CLCN2: variants seen among roughly 807,000 people sequenced by gnomAD.
CLCN2 encodes chloride voltage-gated channel 2.
Under a neutral mutation model 108.3 loss-of-function variants are expected in CLCN2, and 72 were observed. That is an observed-to-expected ratio of 0.66 (90% CI 0.55 to 0.81). The LOEUF (loss-of-function observed/expected upper bound fraction) is 0.81, where lower values mean the gene tolerates loss of function less well. CLCN2 is among the 30% of genes least tolerant of loss of function. The pLI, the probability that CLCN2 is intolerant of heterozygous loss-of-function variation, is 0.00. For synonymous variants in CLCN2, 471 were observed against 467.1 expected (o/e 1.01, Z -0.11); for missense variants, 1,048 against 1,205.2 (o/e 0.87, Z 1.93).
Position 184,355,041 on chromosome 3 carries a change from CAGG to C in CLCN2, c.1327-71_1327-69del, listed in dbSNP as rs1370780996. On this transcript the variant is annotated intron_variant, in intron 12 of 23. Transcript: ENST00000265593. This position sits in a 1 kb window ranked among gnomAD's most constrained non-coding sequence, Gnocchi z 6.3. The stretch of plus-strand genomic sequence containing the variant: ...GCCCCAGGCAGCCCACAGCGCCACC[CAGG>C]AGAAGTCTACCTCGCTGATCAGGTG... The C allele has an allele frequency of 3.7e-5, 53 of 1,432,208 alleles. No homozygotes were observed. The Middle Eastern group carries it at 7.4e-4, about 20-fold the overall frequency. 88.7% of individuals were successfully genotyped at this position (1,432,208 alleles called of 1,614,324 possible).
chr3:184,354,164 T>C lies in CLCN2; in HGVS notation c.1658A>G (p.Tyr553Cys). 1 of 1,612,854 alleles carries C rather than the reference T, an allele frequency of 6.2e-7. No homozygotes were observed. Residue 553 changes from tyrosine (Y) to cysteine (C), a missense_variant, in exon 15 of 24, where the codon TAT (tyrosine) becomes TGT (cysteine). Physicochemically the swap from Tyr to Cys is radical, Grantham distance 194. Coordinates refer to ENST00000265593, the MANE Select transcript of CLCN2 (RefSeq NM_004366.6). ...TTTCTTGATTCGGATGATGCTGTCA[T>C]AGAGGGAGGGCTGCAGACTCTGGGC... ...AVAQSLQPSL[Y>C]DSIIRIKKLP...
At chr3:184,347,078 A>G in intron 22 of CLCN2, 57 bp from the exon 23 acceptor site, 2 of 1,430,142 alleles carry the variant, frequency 1.4e-6, no homozygotes, top group Middle Eastern at 1.8e-4. Flanking sequence ...GCTCTAAATG[A>G]CAGGCCACAG....
intron 22 of CLCN2, among the ~76,000 whole-genome samples, chr3:184,351,747 G>C (rs962680039): frequency 6.6e-6 from 1 of 152,196 alleles, no homozygotes; most frequent in African/African-American, 2.4e-5. Context: ...CTCAATCCCT[G>C]TCTTTGTTGC....
Position 184,355,045 on chromosome 3 carries a change from A to G in CLCN2, c.1327-72T>C, listed in dbSNP as rs1728443408. The stretch of plus-strand genomic sequence containing the variant: ...CAGGCAGCCCACAGCGCCACCCAGG[A>G]GAAGTCTACCTCGCTGATCAGGTGG... On this transcript the variant is annotated intron_variant, in intron 12 of 23. Transcript: ENST00000265593. This position sits in a 1 kb window ranked among gnomAD's most constrained non-coding sequence, Gnocchi z 6.3. 7.1e-7 allele frequency: 1 copy of G among 1,412,662 alleles called. No individual in the cohort carries two copies. Among genetic ancestry groups the G allele is most frequent in the African/African-American group, 1.4e-5 (1 of 70,858 alleles). 87.5% of individuals were successfully genotyped at this position (1,412,662 alleles called of 1,614,324 possible).
rs148382823 is a variant in CLCN2, at chr3:184,354,483, C to T, written c.1507+65G>A. 547 of 1,309,246 alleles carry T rather than the reference C, an allele frequency of 4.2e-4. 7 individuals carry two copies. In the East Asian group the frequency reaches 0.014, roughly 33 times the overall value. 81.1% of individuals were successfully genotyped at this position (1,309,246 alleles called of 1,614,324 possible). A position where few individuals can be genotyped will look rare whatever the true frequency, so the allele number is the denominator to read the frequency against. ...CTGCCAGCAGGGGGCACCAGAGTCT[C>T]GGACCCTGTGGCTGGGGCGTGGGTG... On this transcript the variant is annotated intron_variant, in intron 14 of 23. Coordinates refer to ENST00000265593, the MANE Select transcript of CLCN2 (RefSeq NM_004366.6).
chr3:184,353,760 C>T lies in CLCN2; in HGVS notation c.1757G>A (p.Arg586Gln), dbSNP rs143449618. ...YRVRVEDIMV[R>Q]DVPHVALSCT... is the part of the protein sequence containing the mutation. ...GCTGAGGGCCACATGGGGAACATCC[C>T]GCACCATGATGTCCTCCACACGCAC... Residue 586 changes from arginine to glutamine, a missense_variant, in exon 16 of 24, where the codon CGG becomes CAG. By Grantham distance (43) the Arg-to-Gln change is conservative (BLOSUM62 1). Coordinates refer to ENST00000265593, the MANE Select transcript of CLCN2 (RefSeq NM_004366.6). 6.7e-5 allele frequency: 108 copies of T among 1,606,788 alleles called. No individual in the cohort carries two copies. Among genetic ancestry groups the T allele is most frequent in the Admixed American group, 1.0e-4 (6 of 58,776 alleles).
At position 184,354,174 on chromosome 3, in the gene CLCN2, G is replaced by T. The variant is rs1728351509; in HGVS notation, c.1648C>A (p.Pro550Thr). The T allele has an allele frequency of 6.2e-7, 1 of 1,613,250 alleles. No individual in the cohort carries two copies. The highest frequency in any genetic ancestry group is 1.7e-5 in the Admixed American group (1 of 59,932). The change falls in exon 15 of 24, where the codon CCC becomes ACC. Residue 550 changes from proline (P) to threonine (T), a missense_variant. Physicochemically the swap from Pro to Thr is conservative, Grantham distance 38. Coordinates refer to ENST00000265593, the MANE Select transcript of CLCN2 (RefSeq NM_004366.6). ...CGGATGATGCTGTCATAGAGGGAGG[G>T]CTGCAGACTCTGGGCGACAGCGTTG... is the stretch of plus-strand genomic sequence containing the variant. ...LANAVAQSLQPSLYDSIIRIK... is the reference protein window; with the variant it reads ...LANAVAQSLQTSLYDSIIRIK...
rs762390612 is a variant in CLCN2 at position 184,357,102 on chromosome 3, G to C, written c.984-8C>G. On this transcript the variant is annotated splice_region_variant and splice_polypyrimidine_tract_variant and intron_variant, in intron 9 of 23. Coordinates refer to ENST00000265593, the MANE Select transcript of CLCN2 (RefSeq NM_004366.6). ...CCGAAGCCACTAGCAATACTGGAAA[G>C]GGAAGAGGCACCTGAGTGAAAAGGA... The C allele has an allele frequency of 9.9e-6, 16 of 1,612,718 alleles. No individual in the cohort carries two copies. Among genetic ancestry groups the C allele is most frequent in the Non-Finnish European group, 1.4e-5 (16 of 1,179,050 alleles).
At chr3:184,358,896 C>T (rs1711614799) in intron 2 of CLCN2, 79 bp downstream of exon 2, 1 of 1,613,150 alleles carries the variant, frequency 6.2e-7, no homozygotes, top group African/African-American at 1.3e-5. Flanking sequence ...TGTCCCCTCT[C>T]CCCCATCAGC....
chr3:184,348,131 G>A (rs1348735432), intron 22 of CLCN2: 2 of 152,180 alleles, frequency 1.3e-5, no homozygotes, highest in East Asian at 3.9e-4. Flanking sequence ...AATTCTTTAG[G>A]GAGGGATTTC....
At position 184,358,103 on chromosome 3, in the gene CLCN2, G is replaced by A. The variant is rs765338856; in HGVS notation, c.482-8C>T. 4.3e-6 allele frequency: 7 copies of A among 1,613,988 alleles called. No homozygotes were observed. The South Asian group carries it at 6.6e-5, about 15-fold the overall frequency. On this transcript the variant is annotated splice_region_variant and splice_polypyrimidine_tract_variant and intron_variant, in intron 4 of 23. Transcript: ENST00000265593. Reference sequence around the variant, plus strand: ...TCTCAGGGATGCCAGAGCCTGGAGAGGGAACAGTCTCAGGAGAGGCATTCG... The same window carrying A: ...TCTCAGGGATGCCAGAGCCTGGAGAAGGAACAGTCTCAGGAGAGGCATTCG...
Position 184,355,942 on chromosome 3 carries a change from G to A in CLCN2, c.1086-164C>T. ...ATGATACGATAGCCCCAAGGCTGAT[G>A]GTGGACTGGGGTTATTCTAAGAGCA... On this transcript the variant is annotated intron_variant, in intron 10 of 23. Coordinates refer to ENST00000265593, the MANE Select transcript of CLCN2 (RefSeq NM_004366.6). The surrounding 1 kb of genome is among the most constrained non-coding windows in gnomAD (Gnocchi z 6.3). 1 of 667,184 alleles carries A rather than the reference G, an allele frequency of 1.5e-6. No homozygotes were observed. Among genetic ancestry groups the A allele is most frequent in the Non-Finnish European group, 2.7e-6 (1 of 368,006 alleles). 41.3% of individuals were successfully genotyped at this position (667,184 alleles called of 1,614,324 possible). A position where few individuals can be genotyped will look rare whatever the true frequency, so the allele number is the denominator to read the frequency against.
At position 184,355,768 on chromosome 3, in the gene CLCN2, A is replaced by C; in HGVS notation, c.1096T>G (p.Phe366Val). 6.2e-7 allele frequency: 1 copy of C among 1,614,190 alleles called. No homozygotes were observed. The highest frequency in any genetic ancestry group is 8.5e-7 in the Non-Finnish European group (1 of 1,180,014). Residue 366 changes from phenylalanine (F) to valine (V), a missense_variant, in exon 11 of 24, where the codon TTC becomes GTC. By Grantham distance (50) the Phe-to-Val change is conservative. Transcript: ENST00000265593. The surrounding 1 kb of genome is among the most constrained non-coding windows in gnomAD (Gnocchi z 6.3). ...NRFLMRKRLL[F>V]PALVTLLIST... ...ATGAGCAGGGTCACCAGAGCCGGGAAGAGCAGGCGTCTAGAGTCGTAGGTT... is the reference window on the plus strand; with the variant it reads ...ATGAGCAGGGTCACCAGAGCCGGGACGAGCAGGCGTCTAGAGTCGTAGGTT...
In CLCN2 at chr3:184,357,502, G is replaced by A; in HGVS notation, c.773-15C>T. On this transcript the variant is annotated splice_polypyrimidine_tract_variant and intron_variant, in intron 7 of 23. Transcript: ENST00000265593. ...GAAGAGGACGCCTGTGAGGGGGAGG[G>A]AGACCAGCACTTGAGGCCTGGGCCT... 3 of 1,614,168 alleles carry A rather than the reference G, an allele frequency of 1.9e-6. No homozygotes were observed. Among genetic ancestry groups the A allele is most frequent in the East Asian group, 2.2e-5 (1 of 44,880 alleles).
chr3:184,358,397 C>A lies in CLCN2; in HGVS notation c.353-87G>T. On this transcript the variant is annotated intron_variant, in intron 3 of 23. Coordinates refer to ENST00000265593, the MANE Select transcript of CLCN2 (RefSeq NM_004366.6). ...ACCACGCTGATACGACAGGCTGTCC[C>A]AGGGAGTACCACACAGAGTCAGGGC... is the stretch of plus-strand genomic sequence containing the variant. 2.5e-6 allele frequency: 4 copies of A among 1,576,522 alleles called. No homozygotes were observed. In the East Asian group the frequency reaches 8.9e-5, roughly 35 times the overall value.
rs1364293163 is a variant in CLCN2 at position 184,358,222 on chromosome 3, G to C, written c.441C>G (p.Phe147Leu). 1 of 1,614,186 alleles carries C rather than the reference G, an allele frequency of 6.2e-7. No individual in the cohort carries two copies. The highest frequency in any genetic ancestry group is 2.2e-5 in the East Asian group (1 of 44,888). ...WVTYPVVLIT[F>L]SAGFTQILAP... ...CCAGGATCTGTGTGAATCCGGCTGA[G>C]AAAGTGATGAGGACAACAGGGTAGG... Residue 147 changes from phenylalanine (F) to leucine (L), a missense_variant, in exon 4 of 24, where the codon TTC becomes TTG. Phe to Leu is a conservative substitution (Grantham distance 22). Coordinates refer to ENST00000265593, the MANE Select transcript of CLCN2 (RefSeq NM_004366.6).
At chr3:184,351,905 TCTC>T (rs1468149872) in intron 22 of CLCN2, 105 bp downstream of exon 22, 6 of 839,172 alleles carry the variant, frequency 7.1e-6, no homozygotes, top group Admixed American at 6.8e-5. Flanking sequence ...CCAACTCCCT[TCTC>T]CTCCCTCCTT....
At position 184,353,107 on chromosome 3, in the gene CLCN2, T is replaced by TC. The variant is rs765672654; in HGVS notation, c.2068dup (p.Glu690GlyfsTer46). On this transcript the variant is annotated frameshift_variant, in exon 18 of 24. Coordinates refer to ENST00000265593, the MANE Select transcript of CLCN2 (RefSeq NM_004366.6). LOFTEE classifies it high-confidence loss of function. Reference sequence around the variant, plus strand: ...TGCAGGCTTTAGGGGCTTGTGGGTCTCCCCCCGGGCTGCTGGGAAGGCTGA... The same window carrying TC: ...TGCAGGCTTTAGGGGCTTGTGGGTCTCCCCCCCGGGCTGCTGGGAAGGCTGA... 6.2e-7 allele frequency: 1 copy of TC among 1,613,916 alleles called. No individual in the cohort carries two copies.
chr3:184,351,950 G>C lies in CLCN2; in HGVS notation c.2415+63C>G, dbSNP rs1430745487. Reference sequence around the variant, plus strand: ...TGGCCTGAGTCCAAACTTGTAGGGGGACCAAGATCCCCACTGTGTCCTGAG... The same window carrying C: ...TGGCCTGAGTCCAAACTTGTAGGGGCACCAAGATCCCCACTGTGTCCTGAG... On this transcript the variant is annotated intron_variant, in intron 22 of 23. Transcript: ENST00000265593. The C allele has an allele frequency of 4.9e-6, 6 of 1,230,386 alleles. No homozygotes were observed. The East Asian group carries it at 1.2e-4, about 24-fold the overall frequency. 76.2% of individuals were successfully genotyped at this position (1,230,386 alleles called of 1,614,324 possible).
Sources: allele counts gnomAD v4.1 joint callset (sites outside exome capture counted in the v4.1 genomes callset), GRCh38; gene constraint gnomAD v4.1.1; non-coding constraint Gnocchi (gnomAD v3.1); transcripts MANE v1.5; gene names NCBI Gene and HGNC (gene_info 2026-07-23, HGNC 2026-07-21).